Variants in CAPN2 observed in about 807,000 individuals in gnomAD.
CAPN2 encodes the protein calpain 2.
Under a neutral mutation model 102.3 loss-of-function variants are expected in CAPN2, and 92 were observed. The observed-to-expected ratio is 0.90, with a 90% CI of 0.76 to 1.07. The LOEUF (loss-of-function observed/expected upper bound fraction) is 1.07. Ranked by LOEUF, CAPN2 falls within the 50% of genes least tolerant of loss-of-function variation. The probability of loss-of-function intolerance (pLI) is 0.00; values close to 1 mark genes in which losing one functional copy is unlikely to be tolerated. For synonymous variants in CAPN2, 340 were observed against 355.4 expected, an observed-to-expected ratio of 0.96 and a Z score of 0.49; for missense variants, 800 against 909.4, an observed-to-expected ratio of 0.88 and a Z score of 1.55.
intron 2 of CAPN2, among the ~76,000 whole-genome samples, chr1:223,735,903 C>T (rs1195438343): frequency 3.3e-5 from 5 of 152,188 alleles, no homozygotes; most frequent in Non-Finnish European, 7.3e-5. Context: ...CCTCAGCCTC[C>T]CTAGTAGCTG....
intron 6 of CAPN2, among the ~76,000 whole-genome samples, chr1:223,750,198 A>C (rs557022330): frequency 6.6e-6 from 1 of 152,242 alleles, no homozygotes; most frequent in Non-Finnish European, 1.5e-5. Flanking sequence ...CATAATAACT[A>C]TCCAATTGCC....
At chr1:223,769,353 A>T (rs565877515) in intron 16 of CAPN2, among the ~76,000 whole-genome samples, 9 of 152,010 alleles carry the variant, frequency 5.9e-5, no homozygotes, top group Non-Finnish European at 1.3e-4. Context: ...ATTCCTGACC[A>T]CAGGTGATCT....
intron 19 of CAPN2, 80 bp downstream of exon 19, chr1:223,772,005 C>A: frequency 8.7e-7 from 1 of 1,155,882 alleles, no homozygotes; most frequent in South Asian, 1.2e-5. Flanking sequence ...GTGAAATCAT[C>A]TAAACTAGAG....
chr1:223,711,153 A>G (rs1447473158), upstream of CAPN2, among the ~76,000 whole-genome samples: 1 of 152,244 alleles, frequency 6.6e-6, no homozygotes, highest in African/African-American at 2.4e-5. Context: ...CATAAAAACT[A>G]TCTCCAGACA....
upstream of CAPN2, among the ~76,000 whole-genome samples, chr1:223,709,123 G>C (rs1423621312): frequency 1.3e-5 from 2 of 152,132 alleles, no homozygotes; most frequent in African/African-American, 2.4e-5. Context: ...AAGCTGGGCA[G>C]GGAAGTGACT....
At chr1:223,715,103 G>A (rs374871529) in intron 1 of CAPN2, among the ~76,000 whole-genome samples, 5 of 152,178 alleles carry the variant, frequency 3.3e-5, no homozygotes, top group African/African-American at 7.2e-5. Context: ...TTATGGCTGC[G>A]CTCTCTGCCT....
chr1:223,717,218 T>A lies in CAPN2; in HGVS notation c.238-544T>A, dbSNP rs540749887. On this transcript the variant is annotated intron_variant, in intron 1 of 20. Coordinates refer to ENST00000295006, the MANE Select transcript of CAPN2 (RefSeq NM_001748.5). ...AATACCTAAGTAGTAAATTGCAGAG[T>A]CCAGAGACTCTGGGACTCAGACTTG... 5.3e-5 allele frequency among the ~76,000 whole-genome samples: 8 copies of A among 152,160 alleles called. No individual in the cohort carries two copies. In the South Asian group the frequency reaches 1.0e-3, roughly 20 times the overall value.
intron 13 of CAPN2, 63 bp from the exon 14 acceptor site, chr1:223,762,123 G>T (rs1210661923): frequency 5.0e-6 from 7 of 1,408,774 alleles, no homozygotes; most frequent in Non-Finnish European, 7.0e-6. Context: ...ATGGAAGGGC[G>T]GGCAGACACT....
At chr1:223,765,383 A>G (rs773858445) in intron 15 of CAPN2, among the ~76,000 whole-genome samples, 16 of 152,268 alleles carry the variant, frequency 1.1e-4, no homozygotes, top group South Asian at 6.2e-4. Context: ...CCCTCCTCTA[A>G]TTTTCAGGGA....
rs116616999 is a variant in CAPN2 at position 223,731,323 on chromosome 1, G to A, written c.308-12777G>A. Among the ~76,000 whole-genome samples, 11 of 152,202 alleles carry A rather than the reference G, an allele frequency of 7.2e-5. No individual in the cohort carries two copies. Among genetic ancestry groups the A allele is most frequent in the Non-Finnish European group, 1.2e-4 (8 of 67,986 alleles). ...CTGGCCCGGACATCCAACCCAATCC[G>A]CCTAGCCCCAGCCCTCTCCAGTTCC... On this transcript the variant is annotated intron_variant, in intron 2 of 20. Coordinates refer to ENST00000295006, the MANE Select transcript of CAPN2 (RefSeq NM_001748.5). This position sits in a 1 kb window ranked among gnomAD's most constrained non-coding sequence, Gnocchi z 4.2.
At chr1:223,729,586 A>C (rs1660279564) in intron 2 of CAPN2, among the ~76,000 whole-genome samples, 1 of 152,212 alleles carries the variant, frequency 6.6e-6, no homozygotes, top group Non-Finnish European at 1.5e-5. Context: ...TCAATCCAGA[A>C]AGGCGGGACA....
chr1:223,764,539 T>A (rs1661266401), intron 15 of CAPN2, among the ~76,000 whole-genome samples: 1 of 152,182 alleles, frequency 6.6e-6, no homozygotes, highest in Non-Finnish European at 1.5e-5. Flanking sequence ...CTGCAATCTC[T>A]ACCTCCCAAA....
chr1:223,723,957 G>A (rs141512756), intron 2 of CAPN2, among the ~76,000 whole-genome samples: 1 of 151,870 alleles, frequency 6.6e-6, no homozygotes, highest in African/African-American at 2.4e-5. Flanking sequence ...TGGATCCAGG[G>A]GTGACTCTTT....
intron 2 of CAPN2, among the ~76,000 whole-genome samples, chr1:223,737,497 G>C (rs1660485041): frequency 6.6e-6 from 1 of 152,168 alleles, no homozygotes; most frequent in Admixed American, 6.5e-5. Flanking sequence ...TGGATGAGCA[G>C]AGTCCCCTGG....
At chr1:223,730,797 C>A (rs1417817532) in intron 2 of CAPN2, among the ~76,000 whole-genome samples, 1 of 152,174 alleles carries the variant, frequency 6.6e-6, no homozygotes, top group Non-Finnish European at 1.5e-5. Flanking sequence ...GGCACCCATT[C>A]AGTTAGTTAA....
At chr1:223,769,999 A>C in intron 17 of CAPN2, 90 bp downstream of exon 17, 1 of 1,028,612 alleles carries the variant, frequency 9.7e-7, no homozygotes, top group Non-Finnish European at 1.5e-6. Flanking sequence ...AGAGTGGAGA[A>C]ACATTTCCAA....
At chr1:223,767,041 C>A (rs1319269443) in intron 16 of CAPN2, among the ~76,000 whole-genome samples, 1 of 151,752 alleles carries the variant, frequency 6.6e-6, no homozygotes, top group Non-Finnish European at 1.5e-5. Flanking sequence ...ATATGCCCAT[C>A]ACTTCTTTGC....
At chr1:223,766,681 G>A (rs908913245) in intron 16 of CAPN2, among the ~76,000 whole-genome samples, 2 of 152,204 alleles carry the variant, frequency 1.3e-5, no homozygotes, top group East Asian at 1.9e-4. Context: ...GGCCCATGGC[G>A]GGCGGTGGCT....
At chr1:223,732,666 G>T (rs1571792018) in intron 2 of CAPN2, among the ~76,000 whole-genome samples, 1 of 152,178 alleles carries the variant, frequency 6.6e-6, no homozygotes, top group African/African-American at 2.4e-5. Flanking sequence ...TGCCTTAACT[G>T]TCTGGGAATG....
Sources: allele counts gnomAD v4.1 joint callset (sites outside exome capture counted in the v4.1 genomes callset), GRCh38; gene constraint gnomAD v4.1.1; non-coding constraint Gnocchi (gnomAD v3.1); transcripts MANE v1.5; gene names NCBI Gene and HGNC (gene_info 2026-07-23, HGNC 2026-07-21).